The following ZSCAN5A variants were observed in gnomAD, a reference collection of about 807,000 sequenced individuals.
The protein encoded by ZSCAN5A is zinc finger and SCAN domain-containing protein 5A.
A neutral mutation model predicts 23.7 loss-of-function variants in ZSCAN5A; 12 were observed. The observed-to-expected ratio is 0.51, with a 90% CI of 0.32 to 0.82. ZSCAN5A has a LOEUF of 0.82. Among genes scored for constraint, ZSCAN5A ranks in the 40% least tolerant of loss-of-function variants. The pLI, the probability that ZSCAN5A is intolerant of heterozygous loss-of-function variation, is 0.03. For missense variants in ZSCAN5A, 597 were observed against 617.9 expected (o/e 0.97, Z 0.36); for synonymous variants, 257 against 239.9 (o/e 1.07, Z -0.66).
At chr19:56,282,728 A>G (rs1427439522) in intron 2 of ZSCAN5A, among the ~76,000 whole-genome samples, 1 of 152,066 alleles carries the variant, frequency 6.6e-6, no homozygotes, top group South Asian at 2.1e-4. Context: ...GAAACTGAGC[A>G]CTCTTTCATG....
intron 2 of ZSCAN5A, among the ~76,000 whole-genome samples, chr19:56,336,817 C>G (rs1568757902): frequency 1.3e-5 from 2 of 152,184 alleles, no homozygotes; most frequent in South Asian, 4.1e-4. Flanking sequence ...GGACCCTCAG[C>G]TGCAGGTCTG....
intron 2 of ZSCAN5A, among the ~76,000 whole-genome samples, chr19:56,304,105 G>C (rs965187470): frequency 6.6e-6 from 1 of 152,180 alleles, no homozygotes; most frequent in Admixed American, 6.5e-5. Context: ...GCTGCCTGTG[G>C]AGAGTGGATC....
intron 1 of ZSCAN5A, among the ~76,000 whole-genome samples, chr19:56,364,071 G>A (rs918561357): frequency 2.0e-5 from 3 of 152,174 alleles, no homozygotes; most frequent in African/African-American, 7.2e-5. Flanking sequence ...AGAGACCTCT[G>A]CAGCAACCCC....
chr19:56,272,441 C>A (rs1005294786), intron 2 of ZSCAN5A, among the ~76,000 whole-genome samples: 3 of 152,124 alleles, frequency 2.0e-5, no homozygotes, highest in Admixed American at 2.0e-4. Context: ...TTCATGGACA[C>A]TGAAATTCAC....
chr19:56,318,358 C>T (rs2041339669), upstream of ZSCAN5A, among the ~76,000 whole-genome samples: 1 of 152,042 alleles, frequency 6.6e-6, no homozygotes. Flanking sequence ...TTCTCTATAT[C>T]AAAAGTAATA....
intron 2 of ZSCAN5A, among the ~76,000 whole-genome samples, chr19:56,248,461 G>A (rs1200993810): frequency 2.0e-5 from 3 of 152,064 alleles, no homozygotes; most frequent in East Asian, 1.9e-4. Context: ...GTTTTGCCAC[G>A]TTGCCCAGCC....
intron 2 of ZSCAN5A, among the ~76,000 whole-genome samples, chr19:56,353,553 AGG>A (rs1378881051): frequency 1.3e-5 from 2 of 152,074 alleles, no homozygotes; most frequent in East Asian, 1.9e-4. Context: ...GCGAATCAGG[AGG>A]TCAGGAGGTC....
At chr19:56,286,321 A>G (rs890480883) in intron 2 of ZSCAN5A, 7 of 151,944 alleles carry the variant, frequency 4.6e-5, no homozygotes, top group Non-Finnish European at 1.0e-4. Flanking sequence ...ACCTGACCCA[A>G]ACTTTTTATT....
At chr19:56,333,277 T>C (rs2041505606) in intron 2 of ZSCAN5A, among the ~76,000 whole-genome samples, 1 of 152,100 alleles carries the variant, frequency 6.6e-6, no homozygotes, top group African/African-American at 2.4e-5. Flanking sequence ...CCTTTTCTCC[T>C]TCTCTCAGAA....
At chr19:56,361,045 A>G (rs1464838810) in intron 2 of ZSCAN5A, among the ~76,000 whole-genome samples, 2 of 151,992 alleles carry the variant, frequency 1.3e-5, no homozygotes, top group Non-Finnish European at 2.9e-5. Flanking sequence ...GACACTTCTT[A>G]GAAGAAGACA....
At chr19:56,285,940 T>A (rs2039083156) in intron 2 of ZSCAN5A, among the ~76,000 whole-genome samples, 1 of 152,218 alleles carries the variant, frequency 6.6e-6, no homozygotes, top group African/African-American at 2.4e-5. Context: ...TGGACAGATG[T>A]TTAACAAATT....
chr19:56,278,427 C>A (rs1217584015), intron 2 of ZSCAN5A, among the ~76,000 whole-genome samples: 2 of 152,154 alleles, frequency 1.3e-5, no homozygotes, highest in Non-Finnish European at 2.9e-5. Flanking sequence ...AGCCGCCCCG[C>A]CCAGCCACAA....
At chr19:56,343,320 G>T in intron 2 of ZSCAN5A, 1 of 658,470 alleles carries the variant, frequency 1.5e-6, no homozygotes, top group Non-Finnish European at 2.8e-6. Context: ...CTGGAGTGGT[G>T]TGCAAAGTGA....
At chr19:56,248,382 G>A (rs113915691) in intron 2 of ZSCAN5A, among the ~76,000 whole-genome samples, 12,266 of 151,892 alleles carry the variant, frequency 0.081, 611 homozygotes, top group African/African-American at 0.13. Context: ...CGTCTTGGCC[G>A]CCGGAGTAGC....
chr19:56,290,717 G>A (rs2039452425), intron 2 of ZSCAN5A, among the ~76,000 whole-genome samples: 1 of 152,140 alleles, frequency 6.6e-6, no homozygotes, highest in Non-Finnish European at 1.5e-5. Flanking sequence ...TACATAAACA[G>A]TTTAAAATAG....
At chr19:56,344,851 C>T (rs1489359994) in intron 2 of ZSCAN5A, among the ~76,000 whole-genome samples, 1 of 108,250 alleles carries the variant, frequency 9.2e-6, no homozygotes. Context: ...TGCAGTGAGC[C>T]GAGATTGCGC....
chr19:56,326,329 G>C (rs1231822930), intron 2 of ZSCAN5A, among the ~76,000 whole-genome samples: 1 of 151,960 alleles, frequency 6.6e-6, no homozygotes, highest in Non-Finnish European at 1.5e-5. Flanking sequence ...GTGTGTGTGT[G>C]TGTGTGTGGT....
chr19:56,273,516 T>C (rs1256058797), intron 2 of ZSCAN5A, among the ~76,000 whole-genome samples: 4 of 151,980 alleles, frequency 2.6e-5, no homozygotes, highest in Admixed American at 6.6e-5. Flanking sequence ...CACATTCTAG[T>C]GTGGGGATTC....
intron 2 of ZSCAN5A, among the ~76,000 whole-genome samples, chr19:56,270,935 G>A (rs985225599): frequency 6.6e-6 from 1 of 152,224 alleles, no homozygotes; most frequent in African/African-American, 2.4e-5. Flanking sequence ...AGTTCCTCAT[G>A]AGCAAGGCCA....
Sources: allele counts gnomAD v4.1 joint callset (sites outside exome capture counted in the v4.1 genomes callset), GRCh38; gene constraint gnomAD v4.1.1; transcripts MANE v1.5; gene names NCBI Gene and HGNC (gene_info 2026-07-23, HGNC 2026-07-21).